Variants in FARS2 observed in about 807,000 individuals in gnomAD.
FARS2 encodes phenylalanine--tRNA ligase, mitochondrial.
A neutral mutation model predicts 46.4 loss-of-function variants in FARS2; 40 were observed. The ratio of observed to expected loss-of-function variants is 0.86; its 90% CI spans 0.67 to 1.12. The LOEUF (loss-of-function observed/expected upper bound fraction) is 1.12. FARS2 is among the 50% of genes most tolerant of loss of function. The pLI is 0.00. For missense variants in FARS2, 513 were observed against 567.9 expected, an observed-to-expected ratio of 0.90 and a Z score of 0.98; for synonymous variants, 234 against 214.9, an observed-to-expected ratio of 1.09 and a Z score of -0.78.
chr6:5,362,562 A>G (rs1758371875), intron 1 of FARS2, among the ~76,000 whole-genome samples: 2 of 152,190 alleles, frequency 1.3e-5, no homozygotes, highest in African/African-American at 4.8e-5. Flanking sequence ...TGTCTCTTTG[A>G]CATGCTGATT....
In FARS2 at chr6:5,633,262, C is replaced by CTTTTTTTT. The variant is rs59797062; in HGVS notation, c.1217+19966_1217+19973dup. On this transcript the variant is annotated intron_variant, in intron 6 of 6. Coordinates refer to ENST00000274680, the MANE Select transcript of FARS2 (RefSeq NM_006567.5). ...TACAGGTACATGCCACCATCCCTGG[C>CTTTTTTTT]TTTTTTTTTTTTTTTTTTTTTTTTT... 3.0e-4 allele frequency among the ~76,000 whole-genome samples: 15 copies of CTTTTTTTT among 50,086 alleles called. 1 individual carries two copies. The highest frequency in any genetic ancestry group is 4.4e-4 in the Non-Finnish European group (12 of 27,346). 32.9% of individuals were successfully genotyped at this position (50,086 alleles called of 152,430 possible). A position where few individuals can be genotyped will look rare whatever the true frequency, so the allele number is the denominator to read the frequency against.
At chr6:5,726,997 G>T (rs971356216) in intron 6 of FARS2, among the ~76,000 whole-genome samples, 2 of 152,202 alleles carry the variant, frequency 1.3e-5, no homozygotes, top group Non-Finnish European at 2.9e-5. Flanking sequence ...CTTCGTGACC[G>T]CTGTCAACTG....
intron 1 of FARS2, among the ~76,000 whole-genome samples, chr6:5,278,553 C>T (rs1400857766): frequency 6.6e-6 from 1 of 152,106 alleles, no homozygotes; most frequent in African/African-American, 2.4e-5. Context: ...TAGTAAAATA[C>T]TTGATGTATG....
upstream of FARS2, among the ~76,000 whole-genome samples, chr6:5,257,360 C>A (rs1764727715): frequency 6.6e-6 from 1 of 152,288 alleles, no homozygotes; most frequent in Admixed American, 6.5e-5. Flanking sequence ...CTTGGGAGGC[C>A]TTCTAGATTC....
intron 5 of FARS2, among the ~76,000 whole-genome samples, chr6:5,565,590 AT>A (rs1260897848): frequency 6.6e-6 from 1 of 152,218 alleles, no homozygotes; most frequent in Non-Finnish European, 1.5e-5. Context: ...ATTAATTATG[AT>A]TGATAGCATA....
intron 5 of FARS2, among the ~76,000 whole-genome samples, chr6:5,580,864 T>C (rs1773290724): frequency 6.6e-6 from 1 of 152,224 alleles, no homozygotes; most frequent in Non-Finnish European, 1.5e-5. Flanking sequence ...AATATCTATC[T>C]GTCAATATGC....
chr6:5,444,450 A>C (rs1764036088), intron 4 of FARS2, among the ~76,000 whole-genome samples: 1 of 111,528 alleles, frequency 9.0e-6, no homozygotes, highest in Non-Finnish European at 1.7e-5. Context: ...CTGGGTGACA[A>C]GGCGTGACTC....
Position 5,561,102 on chromosome 6 carries a change from G to T in FARS2, c.1065+15762G>T, listed in dbSNP as rs553726484. On this transcript the variant is annotated intron_variant, in intron 5 of 6. Transcript: ENST00000274680. ...GCCGAGATCATGCCACTGCACGCCA[G>T]CCTGGGCAACAGAACAAGCCTCCGT... Among the ~76,000 whole-genome samples the T allele has an allele frequency of 5.3e-5, 8 of 152,272 alleles. No homozygotes were observed. In the East Asian group the frequency reaches 1.5e-3, roughly 29 times the overall value.
intron 5 of FARS2, among the ~76,000 whole-genome samples, chr6:5,605,266 T>C (rs1196440703): frequency 6.6e-6 from 1 of 151,744 alleles, no homozygotes; most frequent in Non-Finnish European, 1.5e-5. Flanking sequence ...AACAGAGGCT[T>C]AGCTCTGGTG....
chr6:5,703,878 T>C (rs1240536593), intron 6 of FARS2, among the ~76,000 whole-genome samples: 3 of 152,134 alleles, frequency 2.0e-5, no homozygotes, highest in Non-Finnish European at 2.9e-5. Context: ...CTCCTTCTCT[T>C]AGGATCCTCC....
In FARS2 at chr6:5,341,336, C is replaced by T. The variant is rs571488241; in HGVS notation, c.-21-27214C>T. 2.3e-4 allele frequency among the ~76,000 whole-genome samples: 32 copies of T among 141,924 alleles called. No individual in the cohort carries two copies. The South Asian group carries it at 5.7e-3, about 25-fold the overall frequency. 93.1% of individuals were successfully genotyped at this position (141,924 alleles called of 152,430 possible). On this transcript the variant is annotated intron_variant, in intron 1 of 6. Coordinates refer to ENST00000274680, the MANE Select transcript of FARS2 (RefSeq NM_006567.5). The stretch of plus-strand genomic sequence containing the variant: ...AGTGGGTGGGGTTTGACAGCTCCCC[C>T]CTCCCTCATCAGTGTCCCAGCTGCT...
At chr6:5,496,809 A>G (rs953171560) in intron 4 of FARS2, among the ~76,000 whole-genome samples, 1 of 152,106 alleles carries the variant, frequency 6.6e-6, no homozygotes, top group African/African-American at 2.4e-5. Context: ...GGACTTTCAT[A>G]TATGAAGTTT....
intron 1 of FARS2, among the ~76,000 whole-genome samples, chr6:5,308,122 T>C (rs1279378505): frequency 7.4e-6 from 1 of 135,268 alleles, no homozygotes; most frequent in African/African-American, 3.7e-5. Context: ...AAAATTCTTC[T>C]TCCTCTCTTT....
chr6:5,263,717 G>A (rs1041078613), intron 1 of FARS2, among the ~76,000 whole-genome samples: 1 of 152,086 alleles, frequency 6.6e-6, no homozygotes, highest in African/African-American at 2.4e-5. Context: ...AAAAGTTATC[G>A]ACTACCTGTA....
intron 6 of FARS2, among the ~76,000 whole-genome samples, chr6:5,680,538 G>A (rs751132459): frequency 2.0e-5 from 3 of 152,136 alleles, no homozygotes; most frequent in East Asian, 1.9e-4. Flanking sequence ...CTGCCCCATC[G>A]GTCCTGCCAT....
chr6:5,588,982 T>C lies in FARS2; in HGVS notation c.1066-24187T>C, dbSNP rs1187980810. Among the ~76,000 whole-genome samples, 3 of 152,234 alleles carry C rather than the reference T, an allele frequency of 2.0e-5. No individual in the cohort carries two copies. In the East Asian group the frequency reaches 5.8e-4, roughly 29 times the overall value. On this transcript the variant is annotated intron_variant, in intron 5 of 6. Coordinates refer to ENST00000274680, the MANE Select transcript of FARS2 (RefSeq NM_006567.5). ...AGGGAGCCATTCCTAATAGTCTTTCTTGACAGTTTTAGGTTAGTCTTTACT... is the reference window on the plus strand; with the variant it reads ...AGGGAGCCATTCCTAATAGTCTTTCCTGACAGTTTTAGGTTAGTCTTTACT...
chr6:5,719,622 C>T (rs562026002), intron 6 of FARS2, among the ~76,000 whole-genome samples: 3 of 152,208 alleles, frequency 2.0e-5, no homozygotes, highest in East Asian at 3.9e-4. Flanking sequence ...TCTCTGGGGC[C>T]TCACACAAAG....
At chr6:5,504,039 C>T (rs1767962706) in intron 4 of FARS2, among the ~76,000 whole-genome samples, 1 of 152,170 alleles carries the variant, frequency 6.6e-6, no homozygotes, top group Admixed American at 6.5e-5. Context: ...ATTAAAACCA[C>T]AGCCTGCCAG....
At chr6:5,309,391 G>A (rs2024997) in intron 1 of FARS2, among the ~76,000 whole-genome samples, 1 of 151,880 alleles carries the variant, frequency 6.6e-6, no homozygotes. Flanking sequence ...TCTTGTTAGT[G>A]TTGAACTTTT....
Sources: gnomAD v4.1 joint callset for allele counts (sites outside exome capture counted in the v4.1 genomes callset) on GRCh38, gnomAD v4.1.1 for gene constraint, MANE v1.5 for transcripts, NCBI Gene and HGNC (gene_info 2026-07-23, HGNC 2026-07-21) for gene names.